B3GAT2: variants seen among roughly 807,000 people sequenced by gnomAD.
B3GAT2 encodes the protein galactosylgalactosylxylosylprotein 3-beta-glucuronosyltransferase 2.
In B3GAT2, 26 loss-of-function variants were observed where a neutral mutation model predicts 27.8. That is an observed-to-expected ratio of 0.93 (90% CI 0.68 to 1.30). B3GAT2 has a LOEUF of 1.30. B3GAT2 is among the 50% of genes most tolerant of loss of function. The pLI, the probability that B3GAT2 is intolerant of heterozygous loss-of-function variation, is 0.00. For missense variants in B3GAT2, 458 were observed against 459.0 expected (o/e 1.00, Z 0.02); for synonymous variants, 218 against 195.1 (o/e 1.12, Z -0.98).
chr6:70,860,226 T>A lies in B3GAT2; in HGVS notation c.*1437A>T, dbSNP rs372284309. ...TGAATCAGCAGATGGCTGGCATGAG[T>A]ATCAGTAGTGCAACCCCTACTGCAG... On this transcript the variant is annotated 3_prime_UTR_variant, in exon 4 of 4. Transcript: ENST00000230053. 1.1e-5 allele frequency: 18 copies of A among 1,612,534 alleles called. No individual in the cohort carries two copies. The South Asian group carries it at 1.8e-4, about 16-fold the overall frequency.
At chr6:70,878,869 C>T (rs546345360) in intron 2 of B3GAT2, among the ~76,000 whole-genome samples, 2 of 151,872 alleles carry the variant, frequency 1.3e-5, no homozygotes, top group South Asian at 2.1e-4. Context: ...CTCTGCCCCC[C>T]CTCCCCCTTA....
Position 70,894,131 on chromosome 6 carries a change from C to T in B3GAT2, c.733G>A (p.Ala245Thr), listed in dbSNP as rs1207106376. The T allele has an allele frequency of 3.7e-6, 6 of 1,609,594 alleles. No individual in the cohort carries two copies. Among genetic ancestry groups the T allele is most frequent in the Non-Finnish European group, 2.5e-6 (3 of 1,177,712 alleles). Reference sequence around the variant, plus strand: ...TGTCATCACCCACACTGCTCACCTGCCATGTCGATGGCAAAAGGCCTGTCT... The same window carrying T: ...TGTCATCACCCACACTGCTCACCTGTCATGTCGATGGCAAAAGGCCTGTCT... ...RADRPFAIDM[A>T]GFAVSLQVIL... is the part of the protein sequence containing the mutation. Residue 245 changes from alanine (A) to threonine (T), a missense_variant, in exon 2 of 4, where the codon GCA becomes ACA. Ala to Thr is a moderately conservative substitution (Grantham distance 58). Coordinates refer to ENST00000230053, the MANE Select transcript of B3GAT2 (RefSeq NM_080742.3).
intron 1 of B3GAT2, among the ~76,000 whole-genome samples, chr6:70,927,016 G>A (rs907862725): frequency 6.6e-5 from 10 of 152,090 alleles, no homozygotes; most frequent in African/African-American, 2.4e-4. Context: ...AGAGGGGGCC[G>A]ATATTCAACA....
At chr6:70,920,176 C>T (rs913738003) in intron 1 of B3GAT2, among the ~76,000 whole-genome samples, 6 of 152,204 alleles carry the variant, frequency 3.9e-5, no homozygotes, top group Non-Finnish European at 7.4e-5. Context: ...AGGTCGATCT[C>T]AGACTGCTGT....
intron 2 of B3GAT2, among the ~76,000 whole-genome samples, chr6:70,891,405 T>G (rs934056263): frequency 6.6e-6 from 1 of 152,224 alleles, no homozygotes; most frequent in Non-Finnish European, 1.5e-5. Flanking sequence ...TAAGATTATT[T>G]CAAGAACAAT....
At chr6:70,869,826 C>G (rs1771905575) in intron 2 of B3GAT2, among the ~76,000 whole-genome samples, 1 of 152,236 alleles carries the variant, frequency 6.6e-6, no homozygotes, top group African/African-American at 2.4e-5. Flanking sequence ...AAATGCAAAT[C>G]AAAACCACAA....
chr6:70,954,300 G>C (rs530788981), intron 1 of B3GAT2, among the ~76,000 whole-genome samples: 12 of 152,260 alleles, frequency 7.9e-5, no homozygotes, highest in Non-Finnish European at 1.6e-4. Flanking sequence ...ATCTTGGGTT[G>C]AGTAAGGACC....
rs771414127 is a variant in B3GAT2, at chr6:70,956,035, C to G, written c.395G>C (p.Arg132Pro). 1.9e-6 allele frequency: 3 copies of G among 1,557,316 alleles called. No homozygotes were observed. The Admixed American group carries it at 5.6e-5, about 29-fold the overall frequency. ...RSELVSRFLARAGLPSTHLHV... is the reference protein window; with the variant it reads ...RSELVSRFLAPAGLPSTHLHV... The stretch of plus-strand genomic sequence containing the variant: ...CAGGTGAGTGCTGGGCAGCCCGGCC[C>G]GCGCCAGGAAGCGGCTCACCAGCTC... Residue 132 changes from arginine (R) to proline (P), a missense_variant, in exon 1 of 4, where the codon CGG (arginine) becomes CCG (proline). By Grantham distance (103) the Arg-to-Pro change is moderately radical. Transcript: ENST00000230053.
intron 2 of B3GAT2, among the ~76,000 whole-genome samples, chr6:70,887,744 A>G (rs960134541): frequency 6.6e-6 from 1 of 152,226 alleles, no homozygotes; most frequent in South Asian, 2.1e-4. Context: ...TTGAAGCATC[A>G]GCAAAACCTT....
intron 2 of B3GAT2, among the ~76,000 whole-genome samples, chr6:70,886,815 A>C (rs1772195082): frequency 6.6e-6 from 1 of 152,188 alleles, no homozygotes; most frequent in Admixed American, 6.5e-5. Context: ...ATGTTCTAGA[A>C]ATAGATTAAA....
At chr6:70,919,500 A>G (rs1772830996) in intron 1 of B3GAT2, among the ~76,000 whole-genome samples, 1 of 152,094 alleles carries the variant, frequency 6.6e-6, no homozygotes, top group Non-Finnish European at 1.5e-5. Context: ...TGGAATTTTC[A>G]GCCTTTCTTC....
chr6:70,955,927 C>A lies in B3GAT2; in HGVS notation c.503G>T (p.Arg168Leu), dbSNP rs746595710. Residue 168 changes from arginine to leucine, a missense_variant, in exon 1 of 4, where the codon CGC becomes CTC. Arg to Leu is a moderately radical substitution (Grantham distance 102, BLOSUM62 -2). Transcript: ENST00000230053. ...CGCGCGCTGGTGCTGGTGCCTCTGG[C>A]GCAGCCAGGCGAGGCCCGCGTTGCG... is the stretch of plus-strand genomic sequence containing the variant. ...EQRNAGLAWL[R>L]QRHQHQRAQP... The A allele has an allele frequency of 1.3e-6, 2 of 1,591,510 alleles. No homozygotes were observed. The highest frequency in any genetic ancestry group is 1.7e-6 in the Non-Finnish European group (2 of 1,170,970).
Position 70,856,890 on chromosome 6 carries a change from T to TGTCTA in B3GAT2, c.*4768_*4772dup. 6.2e-7 allele frequency: 1 copy of TGTCTA among 1,613,672 alleles called. No homozygotes were observed. Among genetic ancestry groups the TGTCTA allele is most frequent in the African/African-American group, 1.3e-5 (1 of 75,054 alleles). ...CCCTCTGCACCAGCAGCTGCAACCC[T>TGTCTA]GTCTACAGTAACATCTGGGGATCTA... On this transcript the variant is annotated 3_prime_UTR_variant, in exon 4 of 4. Coordinates refer to ENST00000230053, the MANE Select transcript of B3GAT2 (RefSeq NM_080742.3).
chr6:70,890,119 G>A (rs751635017), intron 2 of B3GAT2, among the ~76,000 whole-genome samples: 1 of 151,958 alleles, frequency 6.6e-6, no homozygotes, highest in East Asian at 1.9e-4. Context: ...TGCTTCCAGC[G>A]GTCTTTCTCC....
chr6:70,956,130 G>A lies in B3GAT2; in HGVS notation c.300C>T (p.Arg100=), dbSNP rs752135630. The A allele has an allele frequency of 6.9e-6, 11 of 1,604,632 alleles. No homozygotes were observed. The highest frequency in any genetic ancestry group is 8.5e-6 in the Non-Finnish European group (10 of 1,175,812). Reference sequence around the variant, plus strand: ...CCACCTGGCGGAACGTGTTGGCCAGGCGGGTCAGCTCCGCTTTCTGCACCG... The same window carrying A: ...CCACCTGGCGGAACGTGTTGGCCAGACGGGTCAGCTCCGCTTTCTGCACCG... ...SRPVQKAELT[R]LANTFRQVAQ... The change falls in exon 1 of 4, where the codon CGC becomes CGT. Residue 100 remains arginine, a synonymous_variant. Coordinates refer to ENST00000230053, the MANE Select transcript of B3GAT2 (RefSeq NM_080742.3).
At chr6:70,948,858 A>G (rs1244481149) in intron 1 of B3GAT2, among the ~76,000 whole-genome samples, 2 of 152,252 alleles carry the variant, frequency 1.3e-5, no homozygotes, top group African/African-American at 4.8e-5. Flanking sequence ...TTACCAAAAC[A>G]GAGATATAGA....
Position 70,857,600 on chromosome 6 carries a change from G to A in B3GAT2, c.*4063C>T, listed in dbSNP as rs1369725506. ...CCCTGTTTCGTACTGGGGGACCAGTGGTACAAATCAGCAATAAAACAGTGT... is the reference window on the plus strand; with the variant it reads ...CCCTGTTTCGTACTGGGGGACCAGTAGTACAAATCAGCAATAAAACAGTGT... On this transcript the variant is annotated 3_prime_UTR_variant, in exon 4 of 4. Transcript: ENST00000230053. The A allele has an allele frequency of 3.6e-6, 1 of 274,234 alleles. No homozygotes were observed. The highest frequency in any genetic ancestry group is 2.2e-5 in the African/African-American group (1 of 45,040). 17.0% of individuals were successfully genotyped at this position (274,234 alleles called of 1,614,324 possible).
chr6:70,941,711 T>C (rs2150049723), intron 1 of B3GAT2, among the ~76,000 whole-genome samples: 1 of 152,302 alleles, frequency 6.6e-6, no homozygotes, highest in South Asian at 2.1e-4. Context: ...ATGATTTGAT[T>C]GACAATCTCT....
At chr6:70,940,721 A>C (rs1327152945) in intron 1 of B3GAT2, among the ~76,000 whole-genome samples, 1 of 152,094 alleles carries the variant, frequency 6.6e-6, no homozygotes, top group Non-Finnish European at 1.5e-5. Flanking sequence ...TGAGGTCAGG[A>C]GTTTGAGACC....
Sources: allele counts gnomAD v4.1 joint callset (sites outside exome capture counted in the v4.1 genomes callset), GRCh38; gene constraint gnomAD v4.1.1; transcripts MANE v1.5; gene names NCBI Gene and HGNC (gene_info 2026-07-23, HGNC 2026-07-21).